Variants in NUP214 observed in about 807,000 individuals in gnomAD.
NUP214 encodes nucleoporin 214, also known as nuclear pore complex protein Nup214.
Under a neutral mutation model 196.2 loss-of-function variants are expected in NUP214, and 79 were observed. The observed-to-expected ratio is 0.40, with a 90% confidence interval of 0.34 to 0.49. NUP214 has a LOEUF of 0.49. Among genes scored for constraint, NUP214 ranks in the 20% least tolerant of loss-of-function variants. NUP214 has a pLI of 0.58. For missense variants in NUP214, 2,468 were observed against 2,539.0 expected (o/e 0.97, Z 0.60); for synonymous variants, 1,020 against 990.5 (o/e 1.03, Z -0.56).
Position 131,228,619 on chromosome 9 carries a change from C to T in NUP214, c.6074+288C>T, listed in dbSNP as rs352964. 509 of 299,512 alleles carry T rather than the reference C, an allele frequency of 1.7e-3. 1 individual carries two copies. Among genetic ancestry groups the T allele is most frequent in the Middle Eastern group, 0.011 (11 of 1,046 alleles). 18.6% of individuals were successfully genotyped at this position (299,512 alleles called of 1,614,324 possible). On this transcript the variant is annotated intron_variant, in intron 33 of 35. Transcript: ENST00000359428. ...TCCTGCTGGGGCTAAAGGAAGGCAC[C>T]AGCCCTGCCTTAACTACTGCTTTGT...
chr9:131,157,268 C>T (rs963622343), intron 17 of NUP214, among the ~76,000 whole-genome samples: 3 of 151,956 alleles, frequency 2.0e-5, no homozygotes, highest in African/African-American at 4.8e-5. Context: ...TCAAGTGATC[C>T]TTCTGCTTCA....
intron 7 of NUP214, among the ~76,000 whole-genome samples, chr9:131,134,253 A>G (rs540576360): frequency 6.6e-6 from 1 of 152,178 alleles, no homozygotes; most frequent in African/African-American, 2.4e-5. Flanking sequence ...CTGGTCTTAC[A>G]TTTTAATGGG....
At chr9:131,178,225 G>T (rs1449580677) in intron 23 of NUP214, 86 bp from the exon 24 acceptor site, 4 of 972,612 alleles carry the variant, frequency 4.1e-6, no homozygotes, top group Middle Eastern at 2.2e-4. Context: ...TTGGGCTCAT[G>T]TCTTGGTTTT....
At chr9:131,187,829 A>T (rs539643762) in intron 25 of NUP214, among the ~76,000 whole-genome samples, 1 of 152,240 alleles carries the variant, frequency 6.6e-6, no homozygotes, top group African/African-American at 2.4e-5. Flanking sequence ...CAGTCTTGAC[A>T]TGGCTGTTAA....
chr9:131,169,559 A>G (rs565872325), intron 21 of NUP214, among the ~76,000 whole-genome samples: 7 of 152,260 alleles, frequency 4.6e-5, no homozygotes, highest in African/African-American at 7.2e-5. Flanking sequence ...CCACATTTCA[A>G]GTGCTCAGTA....
rs778793806 is a variant in NUP214, at chr9:131,197,377, C to T, written c.3883C>T (p.Pro1295Ser). The T allele has an allele frequency of 6.2e-7, 1 of 1,614,156 alleles. No homozygotes were observed. Among genetic ancestry groups the T allele is most frequent in the Admixed American group, 1.7e-5 (1 of 60,024 alleles). Residue 1295 changes from proline (P) to serine (S), a missense_variant, in exon 29 of 36, where the codon CCT (proline) becomes TCT (serine). Coordinates refer to ENST00000359428, the MANE Select transcript of NUP214 (RefSeq NM_005085.4). ...PGEPAASSSR[P>S]VAPSGTALST... ...AGAACCTGCCGCATCTAGCAGCAGA[C>T]CTGTGGCACCTTCTGGAACTGCTCT...
At position 131,128,432 on chromosome 9, in the gene NUP214, T is replaced by C; in HGVS notation, c.342T>C (p.Ser114=). Residue 114 remains serine (S), a synonymous_variant, in exon 3 of 36, where the codon AGT becomes AGC. Coordinates refer to ENST00000359428, the MANE Select transcript of NUP214 (RefSeq NM_005085.4). ...CACTCTCTGCGTGCATGATGTCCAG[T>C]GAATATGGTTCCATTATTGCTTTTT... The part of the protein sequence containing the change: ...NLTLSACMMS[S]EYGSIIAFFD... 6.2e-7 allele frequency: 1 copy of C among 1,613,838 alleles called. No homozygotes were observed. The highest frequency in any genetic ancestry group is 8.5e-7 in the Non-Finnish European group (1 of 1,179,764).
At chr9:131,184,735 A>T (rs1159808533) in intron 24 of NUP214, among the ~76,000 whole-genome samples, 1 of 152,226 alleles carries the variant, frequency 6.6e-6, no homozygotes. Flanking sequence ...CAGGAAATAC[A>T]ATTTGCTTTA....
intron 28 of NUP214, 71 bp from the exon 29 acceptor site, chr9:131,197,145 C>T: frequency 1.9e-6 from 3 of 1,561,610 alleles, no homozygotes; most frequent in African/African-American, 2.7e-5. Context: ...CTTAGAAACA[C>T]AATCAGTGGA....
At chr9:131,212,294 A>G (rs933151356) in intron 30 of NUP214, among the ~76,000 whole-genome samples, 4 of 152,212 alleles carry the variant, frequency 2.6e-5, no homozygotes, top group African/African-American at 7.2e-5. Context: ...CAGCAATTCT[A>G]ATTTCACCCT....
intron 17 of NUP214, among the ~76,000 whole-genome samples, chr9:131,157,549 C>CAGCCACCTGAGT (rs1832494604): frequency 6.7e-6 from 1 of 149,234 alleles, no homozygotes; most frequent in East Asian, 2.0e-4. Context: ...ACTGCAACCT[C>CAGCCACCTGAGT]AGCCTCCTGG....
intron 28 of NUP214, among the ~76,000 whole-genome samples, chr9:131,196,023 T>TCCG (rs758450590): frequency 9.9e-5 from 1 of 10,088 alleles, no homozygotes; most frequent in African/African-American, 2.0e-4. Context: ...AAACTCTGTG[T>TCCG]GTCCCCCCCC....
intron 32 of NUP214, among the ~76,000 whole-genome samples, chr9:131,227,489 A>T (rs1275083540): frequency 3.9e-5 from 6 of 152,124 alleles, no homozygotes; most frequent in Non-Finnish European, 8.8e-5. Context: ...TTTAAAAAAA[A>T]AAAAACAAAC....
Position 131,133,141 on chromosome 9 carries a change from G to A in NUP214, c.763G>A (p.Ala255Thr), listed in dbSNP as rs561589827. ...DVLWIGTYVFAIVYAAADGTL... is the reference protein window; with the variant it reads ...DVLWIGTYVFTIVYAAADGTL... ...GCTGTGGATTGGTACCTACGTCTTCGCCATAGTGTATGCTGCTGCAGATGG... is the reference window on the plus strand; with the variant it reads ...GCTGTGGATTGGTACCTACGTCTTCACCATAGTGTATGCTGCTGCAGATGG... The change falls in exon 7 of 36, where the codon GCC (alanine) becomes ACC (threonine). Residue 255 changes from alanine to threonine, a missense_variant. Coordinates refer to ENST00000359428, the MANE Select transcript of NUP214 (RefSeq NM_005085.4). 107 of 1,610,514 alleles carry A rather than the reference G, an allele frequency of 6.6e-5. No individual in the cohort carries two copies. The highest frequency in any genetic ancestry group is 1.9e-4 in the Admixed American group (11 of 59,168).
chr9:131,198,763 G>T lies in NUP214; in HGVS notation c.5269G>T (p.Gly1757Cys). The change falls in exon 29 of 36, where the codon GGT becomes TGT. Residue 1757 changes from glycine (G) to cysteine (C), a missense_variant. This residue lies in a region of NUP214 where 1,801 missense variants were observed against 1,779.4 expected (regional missense o/e 1.01). Coordinates refer to ENST00000359428, the MANE Select transcript of NUP214 (RefSeq NM_005085.4). ...TGGGTTCAGTTCCGTGCCTGCCTTC[G>T]GTCAGCCTGCTTCCTCCACTCCCAC... ...QPGFSSVPAF[G>C]QPASSTPTST... is the part of the protein sequence containing the mutation. The T allele has an allele frequency of 2.5e-6, 4 of 1,614,168 alleles. No individual in the cohort carries two copies. The highest frequency in any genetic ancestry group is 3.4e-6 in the Non-Finnish European group (4 of 1,180,028).
intron 24 of NUP214, among the ~76,000 whole-genome samples, chr9:131,182,283 C>G (rs542862276): frequency 2.0e-5 from 3 of 152,328 alleles, no homozygotes; most frequent in African/African-American, 7.2e-5. Flanking sequence ...CAGCCCTGGG[C>G]TGCAGACCAG....
intron 21 of NUP214, among the ~76,000 whole-genome samples, chr9:131,166,220 A>G (rs935627706): frequency 2.0e-5 from 3 of 152,238 alleles, no homozygotes; most frequent in East Asian, 3.8e-4. Context: ...CACATGCCTT[A>G]TAAAGACAGC....
Position 131,144,591 on chromosome 9 carries a change from G to C in NUP214, c.1606G>C (p.Ala536Pro), listed in dbSNP as rs1173219609. The C allele has an allele frequency of 6.2e-7, 1 of 1,613,912 alleles. No individual in the cohort carries two copies. The highest frequency in any genetic ancestry group is 1.3e-5 in the African/African-American group (1 of 74,882). ...AGCCTCCCTAGCCCCCACCCCTGCAGCGTCTCCTGTGGCTCCATCAGCTGC... is the reference window on the plus strand; with the variant it reads ...AGCCTCCCTAGCCCCCACCCCTGCACCGTCTCCTGTGGCTCCATCAGCTGC... ...SKASLAPTPAASPVAPSAASF... is the reference protein window; with the variant it reads ...SKASLAPTPAPSPVAPSAASF... Residue 536 changes from alanine to proline, a missense_variant, in exon 12 of 36, where the codon GCG (alanine) becomes CCG (proline). By Grantham distance (27) the Ala-to-Pro change is conservative. Transcript: ENST00000359428.
At chr9:131,130,228 C>G (rs1831506399) in intron 4 of NUP214, among the ~76,000 whole-genome samples, 1 of 142,578 alleles carries the variant, frequency 7.0e-6, no homozygotes, top group African/African-American at 2.6e-5. Flanking sequence ...ACTGCAACCT[C>G]CACCTGCTGG....
Sources: gnomAD v4.1 joint callset for allele counts (sites outside exome capture counted in the v4.1 genomes callset) on GRCh38, gnomAD v4.1.1 for gene constraint, gnomAD v4.1.1 regional missense constraint, MANE v1.5 for transcripts, NCBI Gene and HGNC (gene_info 2026-07-23, HGNC 2026-07-21) for gene names.